The following ANK2 variants were observed in gnomAD, a reference collection of about 807,000 sequenced individuals.
ANK2 encodes ankyrin 2, also known as ankyrin-2.
ANK2 carries 83 observed loss-of-function variants against 360.5 expected under a neutral mutation model. The ratio of observed to expected loss-of-function variants is 0.23; its 90% CI spans 0.19 to 0.28. The LOEUF is 0.28. Ranked by LOEUF, ANK2 falls within the 10% of genes least tolerant of loss-of-function variation. ANK2 has a pLI of 1.00. For synonymous variants in ANK2, 1,740 were observed against 1,759.5 expected (o/e 0.99, Z 0.28); for missense variants, 4,201 against 4,795.7 (o/e 0.88, Z 3.66).
intron 4 of ANK2, among the ~76,000 whole-genome samples, chr4:113,210,722 C>A (rs982842393): frequency 6.6e-6 from 1 of 152,132 alleles, no homozygotes; most frequent in Non-Finnish European, 1.5e-5. Flanking sequence ...AAACGCTTAA[C>A]ACAATCCTTA....
At chr4:112,836,558 T>C (rs531016074) in intron 1 of ANK2, among the ~76,000 whole-genome samples, 14 of 152,210 alleles carry the variant, frequency 9.2e-5, no homozygotes, top group South Asian at 8.3e-4. Flanking sequence ...ACTTGTTGAA[T>C]GGTTTTGACC....
At chr4:112,841,381 T>C (rs760116369) in intron 1 of ANK2, among the ~76,000 whole-genome samples, 2 of 151,954 alleles carry the variant, frequency 1.3e-5, no homozygotes, top group Non-Finnish European at 2.9e-5. Flanking sequence ...GTTGAAAAAA[T>C]GTTAACAAGG....
the ANK2 span, among the ~76,000 whole-genome samples, chr4:112,745,783 C>T: frequency 5.9e-3 from 903 of 152,076 alleles, 17 homozygotes; most frequent in Admixed American, 0.038. Context: ...TCCACCTGCC[C>T]TGGCCTCCCA....
intron 23 of ANK2, among the ~76,000 whole-genome samples, chr4:113,304,994 CA>C (rs1365881475): frequency 1.3e-5 from 2 of 151,882 alleles, no homozygotes; most frequent in Non-Finnish European, 2.9e-5. Context: ...TGGAGAATTC[CA>C]TTAGTTAATA....
chr4:112,952,886 CAG>C (rs1311236576), intron 2 of ANK2, among the ~76,000 whole-genome samples: 1 of 151,982 alleles, frequency 6.6e-6, no homozygotes, highest in Non-Finnish European at 1.5e-5. Context: ...AATGGGGAAA[CAG>C]AGAGGTAAAG....
At chr4:113,371,947 C>G (rs1367796806) in intron 43 of ANK2, among the ~76,000 whole-genome samples, 1 of 152,166 alleles carries the variant, frequency 6.6e-6, no homozygotes, top group African/African-American at 2.4e-5. Context: ...TTGGCCAGAG[C>G]CCTAAAATAC....
chr4:112,900,942 A>G (rs13134226), intron 1 of ANK2, among the ~76,000 whole-genome samples: 25,031 of 152,180 alleles, frequency 0.16, 2,218 homozygotes, highest in African/African-American at 0.22. Flanking sequence ...CAAGAGCCTC[A>G]CTTTCCTTGT....
chr4:112,874,903 G>A (rs577206013), intron 1 of ANK2, among the ~76,000 whole-genome samples: 2 of 152,236 alleles, frequency 1.3e-5, no homozygotes, highest in South Asian at 2.1e-4. Flanking sequence ...AATATTTGTC[G>A]GATGGTAGTC....
At position 113,317,773 on chromosome 4, in the gene ANK2, C is replaced by T. The variant is rs144049818; in HGVS notation, c.2760C>T (p.Ala920=). 8 of 1,614,070 alleles carry T rather than the reference C, an allele frequency of 5.0e-6. No homozygotes were observed. Among genetic ancestry groups the T allele is most frequent in the Non-Finnish European group, 6.8e-6 (8 of 1,179,972 alleles). ...ATGCCTCCTACCTGAGGGACAGTGCCGTGATGGATGACTCAGTTGTGATTC... is the reference window on the plus strand; with the variant it reads ...ATGCCTCCTACCTGAGGGACAGTGCTGTGATGGATGACTCAGTTGTGATTC... ...LSHASYLRDS[A]VMDDSVVIPS... The change falls in exon 25 of 46, where the codon GCC becomes GCT. Residue 920 remains alanine (A), a synonymous_variant. Transcript: ENST00000357077.
At chr4:113,242,248 T>C (rs778274157) in intron 9 of ANK2, 39 bp downstream of exon 9, 31 of 1,575,396 alleles carry the variant, frequency 2.0e-5, no homozygotes, top group Non-Finnish European at 2.7e-5. Flanking sequence ...ACCATTATTA[T>C]TTCTTTCAAG....
intron 1 of ANK2, among the ~76,000 whole-genome samples, chr4:113,106,030 C>CA (rs1169507400): frequency 6.6e-6 from 1 of 152,030 alleles, no homozygotes; most frequent in Non-Finnish European, 1.5e-5. Flanking sequence ...TATTTTTACT[C>CA]AAAAAATTAT....
intron 15 of ANK2, among the ~76,000 whole-genome samples, chr4:113,276,910 G>A (rs768840358): frequency 4.6e-5 from 7 of 152,150 alleles, no homozygotes; most frequent in Non-Finnish European, 8.8e-5. Flanking sequence ...CCTGATCGGT[G>A]TTAGAATTCC....
chr4:112,826,522 G>A (rs532238160), intron 1 of ANK2: 32 of 1,265,316 alleles, frequency 2.5e-5, no homozygotes, highest in Non-Finnish European at 3.2e-5. Context: ...CCTGTTATTG[G>A]CACTCCAATG....
At chr4:113,307,215 A>G (rs2077603907) in intron 23 of ANK2, among the ~76,000 whole-genome samples, 1 of 152,162 alleles carries the variant, frequency 6.6e-6, no homozygotes, top group Non-Finnish European at 1.5e-5. Context: ...TGAAATATAG[A>G]GGCGCCTCCT....
chr4:113,039,455 G>A (rs140013451), intron 2 of ANK2, among the ~76,000 whole-genome samples: 1,822 of 151,906 alleles, frequency 0.012, 45 homozygotes, highest in African/African-American at 0.041. Context: ...ACAAAAAATC[G>A]TTTTCTCTTA....
intron 1 of ANK2, among the ~76,000 whole-genome samples, chr4:113,165,315 G>T (rs2097712621): frequency 6.6e-6 from 1 of 152,160 alleles, no homozygotes; most frequent in South Asian, 2.1e-4. Context: ...GTCATATATA[G>T]ATGCTGTGGG....
chr4:112,736,617 A>G, the ANK2 span, among the ~76,000 whole-genome samples: 3 of 152,256 alleles, frequency 2.0e-5, no homozygotes, highest in African/African-American at 7.2e-5. Context: ...GGCAGATTTC[A>G]GACATCTGCC....
chr4:113,355,371 A>G lies in ANK2; in HGVS notation c.6753A>G (p.Pro2251=), dbSNP rs1229253132. The G allele has an allele frequency of 1.9e-6, 3 of 1,613,944 alleles. No individual in the cohort carries two copies. The African/African-American group carries it at 4.0e-5, about 22-fold the overall frequency. ...GCCCAGAAAGCCTTTCTTTCTCACC[A>G]AAGAAAAGTGAGGAGCAAACTGGGG... ...ETSPESLSFS[P]KKSEEQTGET... is the part of the protein sequence containing the mutation. Residue 2251 remains proline, a synonymous_variant, in exon 38 of 46, where the codon CCA becomes CCG. Coordinates refer to ENST00000357077, the MANE Select transcript of ANK2 (RefSeq NM_001148.6).
chr4:113,321,997 G>T (rs1027757271), intron 26 of ANK2, among the ~76,000 whole-genome samples: 8 of 152,178 alleles, frequency 5.3e-5, no homozygotes, highest in African/African-American at 1.7e-4. Flanking sequence ...CTCCCAAAGT[G>T]TTGGGTTTAT....
Sources: gnomAD v4.1 joint callset for allele counts (sites outside exome capture counted in the v4.1 genomes callset) on GRCh38, gnomAD v4.1.1 for gene constraint, MANE v1.5 for transcripts, NCBI Gene and HGNC (gene_info 2026-07-23, HGNC 2026-07-21) for gene names.